The following OR2B2 variants were observed in gnomAD, a reference collection of about 807,000 sequenced individuals.
OR2B2 encodes the protein olfactory receptor family 2 subfamily B member 2, also known as olfactory receptor 2B2.
For missense variants in OR2B2, 362 were observed against 422.4 expected (o/e 0.86, Z 1.25); for synonymous variants, 137 against 150.9 (o/e 0.91, Z 0.67).
Position 27,911,342 on chromosome 6 carries a change from T to C in OR2B2, c.978A>G (p.Thr326=), listed in dbSNP as rs368557270. 1.9e-6 allele frequency: 3 copies of C among 1,613,846 alleles called. No individual in the cohort carries two copies. Among genetic ancestry groups the C allele is most frequent in the African/African-American group, 1.3e-5 (1 of 74,932 alleles). The change falls in exon 1 of 1, where the codon ACA becomes ACG. Residue 326 remains threonine, a synonymous_variant. Coordinates refer to ENST00000303324, the MANE Select transcript of OR2B2 (RefSeq NM_033057.2). The part of the protein sequence containing the change: ...NMQMISFAKD[T]VLTYLTNFSA... ...AGAAGTTAGTAAGGTAAGTAAGCAC[T>C]GTGTCTTTAGCAAAGCTTATCATTT...
Position 27,911,618 on chromosome 6 carries a change from T to C in OR2B2, c.702A>G (p.Gln234=). 1.2e-6 allele frequency: 2 copies of C among 1,614,158 alleles called. No individual in the cohort carries two copies. Among genetic ancestry groups the C allele is most frequent in the Non-Finnish European group, 1.7e-6 (2 of 1,180,032 alleles). ...AVLRIQSAEG[Q]RKAFGTCGSH... ...AGCCACATGTCCCAAATGCCTTTCG[T>C]TGACCTTCAGCAGACTGGATTCTCA... The change falls in exon 1 of 1, where the codon CAA becomes CAG. Residue 234 remains glutamine, a synonymous_variant. Coordinates refer to ENST00000303324, the MANE Select transcript of OR2B2 (RefSeq NM_033057.2).
Position 27,911,389 on chromosome 6 carries a change from T to C in OR2B2, c.931A>G (p.Asn311Asp), listed in dbSNP as rs1449079471. 1 of 1,614,006 alleles carries C rather than the reference T, an allele frequency of 6.2e-7. No homozygotes were observed. Among genetic ancestry groups the C allele is most frequent in the African/African-American group, 1.3e-5 (1 of 74,936 alleles). ...ATTTGCATATTTCTTATTTCTTGATTAAGAAGACTCTTTGCAACCAACCTT... is the reference window on the plus strand; with the variant it reads ...ATTTGCATATTTCTTATTTCTTGATCAAGAAGACTCTTTGCAACCAACCTT... The part of the protein sequence containing the change: ...FKRLVAKSLL[N>D]QEIRNMQMIS... Residue 311 changes from asparagine (N) to aspartate (D), a missense_variant, in exon 1 of 1, where the codon AAT (asparagine) becomes GAT (aspartate). Transcript: ENST00000303324.
Position 27,912,302 on chromosome 6 carries a change from C to G in OR2B2, c.18G>C (p.Lys6Asn). 1.3e-6 allele frequency: 2 copies of G among 1,594,354 alleles called. No homozygotes were observed. Among genetic ancestry groups the G allele is most frequent in the Non-Finnish European group, 8.5e-7 (1 of 1,170,024 alleles). The change falls in exon 1 of 1, where the codon AAG becomes AAC. Residue 6 changes from lysine (K) to asparagine (N), a missense_variant. Transcript: ENST00000303324. MNWVN[K>N]SVPQEFILLV... is the part of the protein sequence containing the mutation. ...ACAGAATGAACTCCTGTGGGACACT[C>G]TTATTTACCCAATTCATGTTAAATG... is the stretch of plus-strand genomic sequence containing the variant.
chr6:27,912,122 G>C lies in OR2B2; in HGVS notation c.198C>G (p.Leu66=), dbSNP rs545838549. ...TGGTATAGCAAAGGTCCAGGAGTGA[G>C]AGATTGCTAAGAAAAAAGTACATAG... ...HTPMYFFLSN[L]SLLDLCYTTS... The change falls in exon 1 of 1, where the codon CTC becomes CTG. Residue 66 remains leucine (L), a synonymous_variant. Coordinates refer to ENST00000303324, the MANE Select transcript of OR2B2 (RefSeq NM_033057.2). The C allele has an allele frequency of 8.7e-6, 14 of 1,614,202 alleles. 1 individual carries two copies. The Admixed American group carries it at 2.0e-4, about 23-fold the overall frequency.
chr6:27,911,310 C>G lies in OR2B2; in HGVS notation c.1010G>C (p.Ser337Thr). 1 of 1,607,228 alleles carries G rather than the reference C, an allele frequency of 6.2e-7. No individual in the cohort carries two copies. The highest frequency in any genetic ancestry group is 8.5e-7 in the Non-Finnish European group (1 of 1,177,952). The change falls in exon 1 of 1, where the codon AGT becomes ACT. Residue 337 changes from serine to threonine, a missense_variant. Physicochemically the swap from Ser to Thr is moderately conservative, Grantham distance 58 (BLOSUM62 1). Transcript: ENST00000303324. ...VLTYLTNFSA[S>T]CPIFVITIEN... ...TATAGTAATGACAAAAATAGGACAA[C>G]TTGCGGAGAAGTTAGTAAGGTAAGT...
rs1308807778 is a variant in OR2B2, at chr6:27,912,352, A to G, written c.-33T>C. On this transcript the variant is annotated 5_prime_UTR_variant, in exon 1 of 1. Coordinates refer to ENST00000303324, the MANE Select transcript of OR2B2 (RefSeq NM_033057.2). ...GGTTCAACTCTTCGTTCTCTGAAAT[A>G]TAAGAAGTCAGGAAGTTAACAACAC... is the stretch of plus-strand genomic sequence containing the variant. The G allele has an allele frequency of 7.3e-7, 1 of 1,363,000 alleles. No individual in the cohort carries two copies. The highest frequency in any genetic ancestry group is 1.5e-5 in the African/African-American group (1 of 68,652). 84.4% of individuals were successfully genotyped at this position (1,363,000 alleles called of 1,614,324 possible). A position where few individuals can be genotyped will look rare whatever the true frequency, so the allele number is the denominator to read the frequency against.
chr6:27,912,189 G>A lies in OR2B2; in HGVS notation c.131C>T (p.Thr44Ile). Reference sequence around the variant, plus strand: ...ATCCACATGTGACACAAGAATTATTGTCAGATTGCCAAAGATTGTCAAGAT... The same window carrying A: ...ATCCACATGTGACACAAGAATTATTATCAGATTGCCAAAGATTGTCAAGAT... Reference protein sequence around the residue: ...SYILTIFGNLTIILVSHVDFK... With the variant: ...SYILTIFGNLIIILVSHVDFK... Residue 44 changes from threonine to isoleucine, a missense_variant, in exon 1 of 1, where the codon ACA (threonine) becomes ATA (isoleucine). By Grantham distance (89) the Thr-to-Ile change is moderately conservative. Transcript: ENST00000303324. The A allele has an allele frequency of 1.9e-6, 3 of 1,614,172 alleles. No homozygotes were observed. The highest frequency in any genetic ancestry group is 2.5e-6 in the Non-Finnish European group (3 of 1,180,020).
At position 27,911,199 on chromosome 6, in the gene OR2B2, T is replaced by C; in HGVS notation, c.*47A>G. 8.1e-7 allele frequency: 1 copy of C among 1,231,894 alleles called. No individual in the cohort carries two copies. The highest frequency in any genetic ancestry group is 1.1e-6 in the Non-Finnish European group (1 of 874,676). 76.3% of individuals were successfully genotyped at this position (1,231,894 alleles called of 1,614,324 possible). A position where few individuals can be genotyped will look rare whatever the true frequency, so the allele number is the denominator to read the frequency against. ...GCATTGGAAGGCCAATTCTGGGGGC[T>C]TGTTCAATGAAAATGTTTAGGCAAC... On this transcript the variant is annotated 3_prime_UTR_variant, in exon 1 of 1. Coordinates refer to ENST00000303324, the MANE Select transcript of OR2B2 (RefSeq NM_033057.2).
chr6:27,912,295 G>C lies in OR2B2; in HGVS notation c.25C>G (p.Pro9Ala). Residue 9 changes from proline to alanine, a missense_variant, in exon 1 of 1, where the codon CCA (proline) becomes GCA (alanine). Pro to Ala is a conservative substitution (Grantham distance 27). Transcript: ENST00000303324. Reference protein sequence around the residue: MNWVNKSVPQEFILLVFSD... With the variant: MNWVNKSVAQEFILLVFSD... ...AAAACTAACAGAATGAACTCCTGTG[G>C]GACACTCTTATTTACCCAATTCATG... 1 of 1,605,666 alleles carries C rather than the reference G, an allele frequency of 6.2e-7. No homozygotes were observed. Among genetic ancestry groups the C allele is most frequent in the Non-Finnish European group, 8.5e-7 (1 of 1,175,630 alleles).
rs758688905 is a variant in OR2B2 at position 27,911,266 on chromosome 6, G to A, written c.1054C>T (p.Pro352Ser). 3.2e-6 allele frequency: 5 copies of A among 1,558,374 alleles called. No individual in the cohort carries two copies. In the African/African-American group the frequency reaches 5.5e-5, roughly 17 times the overall value. ...VITIENYCNL[P>S]QRKFP ...TTTTGTCAAGGAAATTTTCTTTGAG[G>A]GAGATTACAATAGTTTTCTATAGTA... The change falls in exon 1 of 1, where the codon CCT becomes TCT. Residue 352 changes from proline (P) to serine (S), a missense_variant. Coordinates refer to ENST00000303324, the MANE Select transcript of OR2B2 (RefSeq NM_033057.2).
At position 27,912,096 on chromosome 6, in the gene OR2B2, G is replaced by T; in HGVS notation, c.224C>A (p.Thr75Lys). The part of the protein sequence containing the change: ...NLSLLDLCYT[T>K]STVPQMLVNI... ...TACCAGCATTTGTGGAACTGTACTT[G>T]TGGTATAGCAAAGGTCCAGGAGTGA... The change falls in exon 1 of 1, where the codon ACA becomes AAA. Residue 75 changes from threonine to lysine, a missense_variant. Transcript: ENST00000303324. The T allele has an allele frequency of 6.2e-7, 1 of 1,614,196 alleles. No homozygotes were observed. Among genetic ancestry groups the T allele is most frequent in the South Asian group, 1.1e-5 (1 of 91,078 alleles).
At position 27,911,833 on chromosome 6, in the gene OR2B2, T is replaced by C. The variant is rs754092373; in HGVS notation, c.487A>G (p.Thr163Ala). 21 of 1,614,086 alleles carry C rather than the reference T, an allele frequency of 1.3e-5. No individual in the cohort carries two copies. The highest frequency in any genetic ancestry group is 6.7e-5 in the Admixed American group (4 of 60,006). ...TGACCACACAGTGGCATCTTAAGTGTCCAGGTGGACTGTAATACTGAATTG... is the reference window on the plus strand; with the variant it reads ...TGACCACACAGTGGCATCTTAAGTGCCCAGGTGGACTGTAATACTGAATTG... ...FSNSVLQSTWTLKMPLCGHKE... is the reference protein window; with the variant it reads ...FSNSVLQSTWALKMPLCGHKE... The change falls in exon 1 of 1, where the codon ACA becomes GCA. Residue 163 changes from threonine to alanine, a missense_variant. Physicochemically the swap from Thr to Ala is moderately conservative, Grantham distance 58. Transcript: ENST00000303324.
Position 27,911,488 on chromosome 6 carries a change from A to C in OR2B2, c.832T>G (p.Cys278Gly), listed in dbSNP as rs754588569. 2.5e-6 allele frequency: 4 copies of C among 1,614,096 alleles called. No individual in the cohort carries two copies. The African/African-American group carries it at 5.3e-5, about 22-fold the overall frequency. ...TTCAGCATGGGTGCAATGATTCCAC[A>C]GAAGAGAGAAACCATCTTTCCCCGG... ...KDRGKMVSLF[C>G]GIIAPMLNPL... Residue 278 changes from cysteine (C) to glycine (G), a missense_variant, in exon 1 of 1, where the codon TGT becomes GGT. Physicochemically the swap from Cys to Gly is radical, Grantham distance 159. Coordinates refer to ENST00000303324, the MANE Select transcript of OR2B2 (RefSeq NM_033057.2).
chr6:27,911,767 G>C lies in OR2B2; in HGVS notation c.553C>G (p.Leu185Val). The change falls in exon 1 of 1, where the codon CTC (leucine) becomes GTC (valine). Residue 185 changes from leucine (L) to valine (V), a missense_variant. Transcript: ENST00000303324. ...GTTGTGTCAACACAGGACAACTTGA[G>C]CAGAGCAGGGACTTCACAGAAGAAG... The part of the protein sequence containing the change: ...DHFFCEVPAL[L>V]KLSCVDTTAN... 1.2e-6 allele frequency: 2 copies of C among 1,613,762 alleles called. No individual in the cohort carries two copies. Among genetic ancestry groups the C allele is most frequent in the Non-Finnish European group, 1.7e-6 (2 of 1,179,836 alleles).
Position 27,912,375 on chromosome 6 carries a change from C to CA in OR2B2, c.-57dup. ...ATATAAGAAGTCAGGAAGTTAACAACACACTTCCTGATTTTGTCAGCTATA... is the reference window on the plus strand; with the variant it reads ...ATATAAGAAGTCAGGAAGTTAACAACAACACTTCCTGATTTTGTCAGCTATA... On this transcript the variant is annotated 5_prime_UTR_variant, in exon 1 of 1. Transcript: ENST00000303324. 1 of 1,067,162 alleles carries CA rather than the reference C, an allele frequency of 9.4e-7. No individual in the cohort carries two copies. Among genetic ancestry groups the CA allele is most frequent in the Non-Finnish European group, 1.4e-6 (1 of 731,448 alleles). 66.1% of individuals were successfully genotyped at this position (1,067,162 alleles called of 1,614,324 possible). A position where few individuals can be genotyped will look rare whatever the true frequency, so the allele number is the denominator to read the frequency against.
Position 27,911,208 on chromosome 6 carries a change from G to T in OR2B2, c.*38C>A. 1 of 1,337,042 alleles carries T rather than the reference G, an allele frequency of 7.5e-7. No homozygotes were observed. The highest frequency in any genetic ancestry group is 1.0e-6 in the Non-Finnish European group (1 of 970,000). The allele number at this position is 1,337,042 out of a possible 1,614,324, so 82.8% of individuals were successfully genotyped here. On this transcript the variant is annotated 3_prime_UTR_variant, in exon 1 of 1. Transcript: ENST00000303324. The stretch of plus-strand genomic sequence containing the variant: ...GGCCAATTCTGGGGGCTTGTTCAAT[G>T]AAAATGTTTAGGCAACAGAAACAAA...
Position 27,911,359 on chromosome 6 carries a change from T to C in OR2B2, c.961A>G (p.Ser321Gly). Residue 321 changes from serine (S) to glycine (G), a missense_variant, in exon 1 of 1, where the codon AGC becomes GGC. By Grantham distance (56) the Ser-to-Gly change is moderately conservative (BLOSUM62 0). Coordinates refer to ENST00000303324, the MANE Select transcript of OR2B2 (RefSeq NM_033057.2). ...GTAAGCACTGTGTCTTTAGCAAAGCTTATCATTTGCATATTTCTTATTTCT... is the reference window on the plus strand; with the variant it reads ...GTAAGCACTGTGTCTTTAGCAAAGCCTATCATTTGCATATTTCTTATTTCT... ...NQEIRNMQMISFAKDTVLTYL... is the reference protein window; with the variant it reads ...NQEIRNMQMIGFAKDTVLTYL... 1 of 1,613,944 alleles carries C rather than the reference T, an allele frequency of 6.2e-7. No individual in the cohort carries two copies. The highest frequency in any genetic ancestry group is 8.5e-7 in the Non-Finnish European group (1 of 1,179,844).
rs1762198918 is a variant in OR2B2 at position 27,911,630 on chromosome 6, A to C, written c.690T>G (p.Ser230=). The C allele has an allele frequency of 6.2e-7, 1 of 1,614,102 alleles. No homozygotes were observed. Among genetic ancestry groups the C allele is most frequent in the African/African-American group, 1.3e-5 (1 of 74,926 alleles). The change falls in exon 1 of 1, where the codon TCT becomes TCG. Residue 230 remains serine, a synonymous_variant. Coordinates refer to ENST00000303324, the MANE Select transcript of OR2B2 (RefSeq NM_033057.2). ...FIVQAVLRIQ[S]AEGQRKAFGT... ...CAAATGCCTTTCGTTGACCTTCAGC[A>C]GACTGGATTCTCAACACTGCTTGGA...
chr6:27,911,532 G>T lies in OR2B2; in HGVS notation c.788C>A (p.Pro263His). 2 of 1,614,102 alleles carry T rather than the reference G, an allele frequency of 1.2e-6. No homozygotes were observed. The highest frequency in any genetic ancestry group is 1.7e-6 in the Non-Finnish European group (2 of 1,180,028). ...TCCCCGGTCTTTGGAGCTGGGTGAA[G>T]GTGGTTGCAGGTACATGGAGATAGC... ...GTAISMYLQPPSPSSKDRGKM... is the reference protein window; with the variant it reads ...GTAISMYLQPHSPSSKDRGKM... Residue 263 changes from proline (P) to histidine (H), a missense_variant, in exon 1 of 1, where the codon CCT becomes CAT. Physicochemically the swap from Pro to His is moderately conservative, Grantham distance 77. Transcript: ENST00000303324.
Sources: allele counts gnomAD v4.1 joint callset, GRCh38; gene constraint gnomAD v4.1.1; transcripts MANE v1.5; gene names NCBI Gene and HGNC (gene_info 2026-07-23, HGNC 2026-07-21).